The following FUBP3 variants were observed in gnomAD, a reference collection of about 807,000 sequenced individuals.
FUBP3 encodes the protein far upstream element binding protein 3.
In FUBP3, 28 loss-of-function variants were observed where a neutral mutation model predicts 85.6. The ratio of observed to expected loss-of-function variants is 0.33; its 90% CI spans 0.24 to 0.45. The LOEUF is 0.45. Among genes scored for constraint, FUBP3 ranks in the 20% least tolerant of loss-of-function variants. The pLI is 1.00. For synonymous variants in FUBP3, 271 were observed against 271.4 expected, an observed-to-expected ratio of 1.00 and a Z score of 0.01; for missense variants, 583 against 755.1, an observed-to-expected ratio of 0.77 and a Z score of 2.67.
At chr9:130,607,840 C>G (rs1452752118) in intron 2 of FUBP3, among the ~76,000 whole-genome samples, 2 of 152,222 alleles carry the variant, frequency 1.3e-5, no homozygotes, top group Non-Finnish European at 2.9e-5. Flanking sequence ...AGAGTTGACT[C>G]TGGACTTGAA....
Position 130,637,688 on chromosome 9 carries a change from G to A in FUBP3, c.*666G>A, listed in dbSNP as rs1430313039. 1 of 152,374 alleles carries A rather than the reference G, an allele frequency of 6.6e-6. No individual in the cohort carries two copies. The highest frequency in any genetic ancestry group is 2.4e-5 in the African/African-American group (1 of 41,420). The allele number at this position is 152,374 out of a possible 1,614,324, so 9.4% of individuals were successfully genotyped here. On this transcript the variant is annotated 3_prime_UTR_variant, in exon 19 of 19. Coordinates refer to ENST00000319725, the MANE Select transcript of FUBP3 (RefSeq NM_003934.2). ...GGGTAATATAAAAATGTGCTCGTGT[G>A]TTTAGCCTACGTTTTTCTCATGCCT...
chr9:130,637,530 T>A lies in FUBP3; in HGVS notation c.*508T>A, dbSNP rs1830458819. 6.1e-6 allele frequency: 1 copy of A among 163,730 alleles called. No homozygotes were observed. Among genetic ancestry groups the A allele is most frequent in the Admixed American group, 6.0e-5 (1 of 16,802 alleles). 10.1% of individuals were successfully genotyped at this position (163,730 alleles called of 1,614,324 possible). A position where few individuals can be genotyped will look rare whatever the true frequency, so the allele number is the denominator to read the frequency against. On this transcript the variant is annotated 3_prime_UTR_variant, in exon 19 of 19. Transcript: ENST00000319725. Reference sequence around the variant, plus strand: ...TTGGCTGTCTGGTTTTATTGCATTTTTAAAAAAACTGAACTATTATGTATT... The same window carrying A: ...TTGGCTGTCTGGTTTTATTGCATTTATAAAAAAACTGAACTATTATGTATT...
rs761184834 is a variant in FUBP3, at chr9:130,612,551, T to C, written c.274+46T>C. 6.9e-6 allele frequency: 8 copies of C among 1,159,044 alleles called. No homozygotes were observed. The South Asian group carries it at 1.0e-4, about 15-fold the overall frequency. 71.8% of individuals were successfully genotyped at this position (1,159,044 alleles called of 1,614,324 possible). A position where few individuals can be genotyped will look rare whatever the true frequency, so the allele number is the denominator to read the frequency against. On this transcript the variant is annotated intron_variant, in intron 4 of 18. Transcript: ENST00000319725. This position sits in a 1 kb window ranked among gnomAD's most constrained non-coding sequence, Gnocchi z 4.1. ...CTTTTTCCCTGATTCCTGTCTCTTC[T>C]TTTTCTCTCTTTTTTTCTGAGCTGC...
chr9:130,636,159 C>G, intron 18 of FUBP3, 33 bp downstream of exon 18: 1 of 1,606,422 alleles, frequency 6.2e-7, no homozygotes, highest in Non-Finnish European at 8.5e-7. Context: ...CGCTGCCACT[C>G]CCTAGCCCCG....
At chr9:130,631,833 C>A in intron 14 of FUBP3, 109 bp from the exon 15 acceptor site, 1 of 895,358 alleles carries the variant, frequency 1.1e-6, no homozygotes, top group Non-Finnish European at 1.8e-6. Flanking sequence ...TCTCAGAGGG[C>A]AGAGGGTCTT....
At chr9:130,599,383 GTA>G (rs1208555343) in intron 2 of FUBP3, among the ~76,000 whole-genome samples, 2,575 of 142,710 alleles carry the variant, frequency 0.018, 84 homozygotes, top group African/African-American at 0.064. Context: ...GTGTGTGTGT[GTA>G]TATATATATA....
Position 130,623,661 on chromosome 9 carries a change from C to G in FUBP3, c.925C>G (p.Arg309Gly), listed in dbSNP as rs755878728. 6.2e-7 allele frequency: 1 copy of G among 1,613,922 alleles called. No individual in the cohort carries two copies. Among genetic ancestry groups the G allele is most frequent in the Non-Finnish European group, 8.5e-7 (1 of 1,179,870 alleles). The change falls in exon 11 of 19, where the codon CGG becomes GGG. Residue 309 changes from arginine (R) to glycine (G), a missense_variant. Arg to Gly is a moderately radical substitution (Grantham distance 125). Coordinates refer to ENST00000319725, the MANE Select transcript of FUBP3 (RefSeq NM_003934.2). The part of the protein sequence containing the change: ...RAAQVMGPPD[R>G]CQHAAHIISE... ...TGCCCAGGTCATGGGCCCTCCGGAT[C>G]GGTGTCAGCATGCAGCGCATATCAT...
In FUBP3 at chr9:130,616,442, C is replaced by T. The variant is rs62637594; in HGVS notation, c.492C>T (p.Ile164=). The change falls in exon 7 of 19, where the codon ATC becomes ATT. Residue 164 remains isoleucine (I), a synonymous_variant. Coordinates refer to ENST00000319725, the MANE Select transcript of FUBP3 (RefSeq NM_003934.2). The surrounding 1 kb of genome is among the most constrained non-coding windows in gnomAD (Gnocchi z 4.7). ...ATGACATAGACAGCAACAGCACAATCCAGGAGATTCTCATTCCCGCATCTA... is the reference window on the plus strand; with the variant it reads ...ATGACATAGACAGCAACAGCACAATTCAGGAGATTCTCATTCCCGCATCTA... ...FHNDIDSNST[I]QEILIPASKV... is the part of the protein sequence containing the mutation. The T allele has an allele frequency of 1.1e-5, 18 of 1,613,918 alleles. No homozygotes were observed. The highest frequency in any genetic ancestry group is 1.5e-5 in the Non-Finnish European group (18 of 1,179,806).
At chr9:130,608,070 G>A (rs1831549758) in intron 2 of FUBP3, among the ~76,000 whole-genome samples, 1 of 152,230 alleles carries the variant, frequency 6.6e-6, no homozygotes, top group East Asian at 1.9e-4. Flanking sequence ...GGAGCCCTCT[G>A]AATATTCTTG....
rs182754621 is a variant in FUBP3, at chr9:130,598,153, T to C, written c.190+2565T>C. On this transcript the variant is annotated intron_variant, in intron 2 of 18. Transcript: ENST00000319725. The stretch of plus-strand genomic sequence containing the variant: ...AACATCTGCCTGTGACCCAGTTCTC[T>C]TTATCAATACTGATAATCTCTTTAT... Among the ~76,000 whole-genome samples, 135 of 152,376 alleles carry C rather than the reference T, an allele frequency of 8.9e-4. 1 individual carries two copies. Among genetic ancestry groups the C allele is most frequent in the African/African-American group, 3.1e-3 (130 of 41,594 alleles).
chr9:130,628,605 G>A (rs750571835), intron 12 of FUBP3, among the ~76,000 whole-genome samples: 4 of 152,270 alleles, frequency 2.6e-5, no homozygotes, highest in South Asian at 2.1e-4. Flanking sequence ...GGGGAGGGCC[G>A]GGGCCTCGGC....
intron 2 of FUBP3, among the ~76,000 whole-genome samples, chr9:130,600,651 C>T (rs1214917889): frequency 6.6e-6 from 1 of 151,886 alleles, no homozygotes; most frequent in African/African-American, 2.4e-5. Flanking sequence ...CACCTGGCAA[C>T]AAGCTTTTTT....
At chr9:130,609,820 T>A in intron 2 of FUBP3, 134 bp from the exon 3 acceptor site, 1 of 704,756 alleles carries the variant, frequency 1.4e-6, no homozygotes, top group South Asian at 1.6e-5. Context: ...TTTCAGCCAC[T>A]GAGCCTAAAT....
chr9:130,620,734 G>T (rs1829711960), intron 9 of FUBP3, among the ~76,000 whole-genome samples: 1 of 152,116 alleles, frequency 6.6e-6, no homozygotes, highest in Admixed American at 6.5e-5. Context: ...CCAAAGTTCA[G>T]GTTTTCTTGG....
At chr9:130,602,393 G>A (rs918565794) in intron 2 of FUBP3, among the ~76,000 whole-genome samples, 1 of 152,078 alleles carries the variant, frequency 6.6e-6, no homozygotes, top group Non-Finnish European at 1.5e-5. Flanking sequence ...TTCAGTACTT[G>A]TGGCATAGGG....
chr9:130,593,266 T>C (rs138035166), intron 1 of FUBP3, among the ~76,000 whole-genome samples: 132 of 152,328 alleles, frequency 8.7e-4, no homozygotes, highest in Non-Finnish European at 1.7e-3. Flanking sequence ...ATCAGTTTAT[T>C]GATTACCTGG....
chr9:130,611,323 C>T (rs1319854586), intron 3 of FUBP3, among the ~76,000 whole-genome samples: 1 of 152,148 alleles, frequency 6.6e-6, no homozygotes, highest in Non-Finnish European at 1.5e-5. Context: ...TGCTGCAGGA[C>T]GTGTTGGGAC....
chr9:130,587,651 A>G (rs2119007913), intron 1 of FUBP3, among the ~76,000 whole-genome samples: 2 of 152,100 alleles, frequency 1.3e-5, no homozygotes, highest in Non-Finnish European at 2.9e-5. Flanking sequence ...CCTTTTTGAG[A>G]CTCTTGAAAC....
intron 2 of FUBP3, among the ~76,000 whole-genome samples, chr9:130,608,552 T>C (rs1051066590): frequency 6.6e-6 from 1 of 152,220 alleles, no homozygotes; most frequent in African/African-American, 2.4e-5. Context: ...TGTCCAGTTT[T>C]CATGCAGAAT....
Sources: allele counts gnomAD v4.1 joint callset (sites outside exome capture counted in the v4.1 genomes callset), GRCh38; gene constraint gnomAD v4.1.1; non-coding constraint Gnocchi (gnomAD v3.1); transcripts MANE v1.5; gene names NCBI Gene and HGNC (gene_info 2026-07-23, HGNC 2026-07-21).